The following DOCK3 variants were observed in gnomAD, a reference collection of about 807,000 sequenced individuals.
The protein encoded by DOCK3 is dedicator of cytokinesis protein 3.
In DOCK3, 60 loss-of-function variants were observed where a neutral mutation model predicts 265.6. The observed-to-expected ratio is 0.23, with a 90% CI of 0.18 to 0.28. DOCK3 has a LOEUF of 0.28. Ranked by LOEUF, DOCK3 falls within the 10% of genes least tolerant of loss-of-function variation. The pLI is 1.00. For synonymous variants in DOCK3, 881 were observed against 938.0 expected, an observed-to-expected ratio of 0.94 and a Z score of 1.11; for missense variants, 1,981 against 2,594.3, an observed-to-expected ratio of 0.76 and a Z score of 5.14.
chr3:51,074,520 C>A (rs372878324), intron 6 of DOCK3, among the ~76,000 whole-genome samples: 20 of 152,120 alleles, frequency 1.3e-4, no homozygotes, highest in African/African-American at 4.8e-4. Flanking sequence ...AAACTTTTAT[C>A]TAATGTTTCT....
In DOCK3 at chr3:51,310,226, T is replaced by G; in HGVS notation, c.2923-6T>G. The G allele has an allele frequency of 6.3e-7, 1 of 1,592,532 alleles. No homozygotes were observed. The highest frequency in any genetic ancestry group is 8.6e-7 in the Non-Finnish European group (1 of 1,168,752). ...GTGTCTCACATCAGCTTTCCTCTGCTGTCAGGAATTTCTGCTGAAGATTTT... is the reference window on the plus strand; with the variant it reads ...GTGTCTCACATCAGCTTTCCTCTGCGGTCAGGAATTTCTGCTGAAGATTTT... On this transcript the variant is annotated splice_polypyrimidine_tract_variant and splice_region_variant and intron_variant, in intron 27 of 52. Transcript: ENST00000266037.
chr3:50,804,765 AGGGGGAGGGGGAG>A (rs1386513852), intron 2 of DOCK3, among the ~76,000 whole-genome samples: 1 of 119,014 alleles, frequency 8.4e-6, no homozygotes, highest in Non-Finnish European at 1.7e-5. Flanking sequence ...GGAGAGGGAG[AGGGGGAGGGGGAG>A]GGGAGAAATT....
intron 5 of DOCK3, among the ~76,000 whole-genome samples, chr3:50,988,849 G>A (rs1269993711): frequency 6.6e-6 from 1 of 152,096 alleles, no homozygotes; most frequent in Non-Finnish European, 1.5e-5. Flanking sequence ...CCAGGCCTGT[G>A]CCTCCAGCCT....
At chr3:51,300,178 T>C (rs1042605298) in intron 27 of DOCK3, among the ~76,000 whole-genome samples, 4 of 152,232 alleles carry the variant, frequency 2.6e-5, no homozygotes, top group Admixed American at 2.6e-4. Flanking sequence ...GTAGCAGTTG[T>C]GAATGGGAGT....
chr3:50,872,630 G>T (rs929155436), intron 3 of DOCK3, among the ~76,000 whole-genome samples: 2 of 152,222 alleles, frequency 1.3e-5, no homozygotes, highest in Middle Eastern at 3.2e-3. Context: ...TCAGGGTACT[G>T]AGTTTCCCCA....
At position 51,381,321 on chromosome 3, in the gene DOCK3, C is replaced by T. The variant is rs1553618528; in HGVS notation, c.5855C>T (p.Pro1952Leu). The T allele has an allele frequency of 6.2e-7, 1 of 1,613,654 alleles. No individual in the cohort carries two copies. Among genetic ancestry groups the T allele is most frequent in the Non-Finnish European group, 8.5e-7 (1 of 1,179,886 alleles). ...GTCCTGGACTCCATCAAGGCCCAGCCATGCCGAAGCCACTCAGCCCCAGGG... is the reference window on the plus strand; with the variant it reads ...GTCCTGGACTCCATCAAGGCCCAGCTATGCCGAAGCCACTCAGCCCCAGGG... Reference protein sequence around the residue: ...SAVLDSIKAQPCRSHSAPGCV... With the variant: ...SAVLDSIKAQLCRSHSAPGCV... Residue 1952 changes from proline to leucine, a missense_variant, in exon 53 of 53, where the codon CCA becomes CTA. Transcript: ENST00000266037. The surrounding 1 kb of genome is among the most constrained non-coding windows in gnomAD (Gnocchi z 5.6).
chr3:51,081,648 C>T (rs1428092243), intron 7 of DOCK3, among the ~76,000 whole-genome samples: 1 of 152,046 alleles, frequency 6.6e-6, no homozygotes, highest in Non-Finnish European at 1.5e-5. Flanking sequence ...GTAATCCCAG[C>T]ACTTTGGGAG....
intron 26 of DOCK3, 45 bp from the exon 27 acceptor site, chr3:51,280,061 C>G (rs748172485): frequency 1.3e-6 from 2 of 1,529,894 alleles, no homozygotes; most frequent in South Asian, 2.3e-5. Context: ...GGAACACAGC[C>G]CTTGCAATTG....
intron 21 of DOCK3, among the ~76,000 whole-genome samples, chr3:51,242,660 G>A (rs907250338): frequency 1.3e-5 from 2 of 151,992 alleles, no homozygotes; most frequent in Non-Finnish European, 2.9e-5. Context: ...TCAGGATAGG[G>A]GAGGATCTGC....
At chr3:50,882,414 T>A (rs1490631120) in intron 3 of DOCK3, among the ~76,000 whole-genome samples, 1 of 151,876 alleles carries the variant, frequency 6.6e-6, no homozygotes, top group Non-Finnish European at 1.5e-5. Flanking sequence ...TTAAACAAAT[T>A]TACAAGAAAA....
At chr3:51,083,338 G>T (rs2082307437) in intron 7 of DOCK3, among the ~76,000 whole-genome samples, 1 of 152,142 alleles carries the variant, frequency 6.6e-6, no homozygotes, top group African/African-American at 2.4e-5. Context: ...AGAACAAGCA[G>T]CTGTTACACT....
chr3:51,302,778 T>C (rs1226324973), intron 27 of DOCK3, among the ~76,000 whole-genome samples: 1 of 152,212 alleles, frequency 6.6e-6, no homozygotes, highest in Admixed American at 6.5e-5. Flanking sequence ...GGGTTTCTGC[T>C]GAAAGGTCTG....
chr3:51,272,449 T>TA (rs1264690046), intron 24 of DOCK3, among the ~76,000 whole-genome samples: 9 of 149,444 alleles, frequency 6.0e-5, no homozygotes, highest in African/African-American at 2.0e-4. Flanking sequence ...GCTAATTTTT[T>TA]TTTTTTTTTT....
chr3:50,676,458 A>C (rs2033962113), intron 1 of DOCK3, among the ~76,000 whole-genome samples: 1 of 152,244 alleles, frequency 6.6e-6, no homozygotes, highest in Non-Finnish European at 1.5e-5. Context: ...CTGGTCCTAG[A>C]GTCTCTATTG....
At chr3:51,056,810 T>C (rs2081219840) in intron 5 of DOCK3, among the ~76,000 whole-genome samples, 1 of 152,176 alleles carries the variant, frequency 6.6e-6, no homozygotes, top group South Asian at 2.1e-4. Context: ...TATAAAGGAA[T>C]ATTCAAAAAG....
At chr3:51,023,486 G>A (rs1483395984) in intron 5 of DOCK3, among the ~76,000 whole-genome samples, 2 of 151,924 alleles carry the variant, frequency 1.3e-5, no homozygotes, top group East Asian at 1.9e-4. Flanking sequence ...TGTGATCTCG[G>A]CTCACTCCAA....
intron 1 of DOCK3, among the ~76,000 whole-genome samples, chr3:50,764,942 A>T (rs2040773903): frequency 6.6e-6 from 1 of 151,914 alleles, no homozygotes; most frequent in Non-Finnish European, 1.5e-5. Context: ...TTTTGTTTTT[A>T]GTAGTGGTGG....
intron 9 of DOCK3, among the ~76,000 whole-genome samples, chr3:51,094,095 A>G (rs903410431): frequency 2.0e-5 from 3 of 152,074 alleles, no homozygotes; most frequent in South Asian, 2.1e-4. Flanking sequence ...AGATTTTTGC[A>G]TCGATGTTCA....
intron 4 of DOCK3, among the ~76,000 whole-genome samples, chr3:50,912,550 G>C (rs1248592261): frequency 6.6e-6 from 1 of 152,136 alleles, no homozygotes; most frequent in Non-Finnish European, 1.5e-5. Context: ...TTAGTCCCCA[G>C]GTGGGTCCAG....
Sources: gnomAD v4.1 joint callset for allele counts (sites outside exome capture counted in the v4.1 genomes callset) on GRCh38, gnomAD v4.1.1 for gene constraint, Gnocchi (gnomAD v3.1) non-coding constraint, MANE v1.5 for transcripts, NCBI Gene and HGNC (gene_info 2026-07-23, HGNC 2026-07-21) for gene names.